HCFC2: variants seen among roughly 807,000 people sequenced by gnomAD.
The protein encoded by HCFC2 is host cell factor C2.
Under a neutral mutation model 89.2 loss-of-function variants are expected in HCFC2, and 18 were observed. That is an observed-to-expected ratio of 0.20 (90% CI 0.14 to 0.30). The LOEUF (loss-of-function observed/expected upper bound fraction) is 0.30. HCFC2 is among the 10% of genes least tolerant of loss of function. HCFC2 has a pLI of 1.00. For synonymous variants in HCFC2, 308 were observed against 335.7 expected (o/e 0.92, Z 0.90); for missense variants, 578 against 956.1 (o/e 0.60, Z 5.21).
Position 104,105,262 on chromosome 12 carries a change from T to C in HCFC2, c.*1989T>C, listed in dbSNP as rs1565818238. ...CAAGCCCAGTTATTTTAAAGATCTATTGCTTTAATAGAAAAAGTTTGGCTT... is the reference window on the plus strand; with the variant it reads ...CAAGCCCAGTTATTTTAAAGATCTACTGCTTTAATAGAAAAAGTTTGGCTT... On this transcript the variant is annotated 3_prime_UTR_variant, in exon 15 of 15. Transcript: ENST00000229330. The C allele has an allele frequency of 6.6e-6, 1 of 152,098 alleles. No individual in the cohort carries two copies. Among genetic ancestry groups the C allele is most frequent in the Non-Finnish European group, 1.5e-5 (1 of 67,928 alleles). The allele number at this position is 152,098 out of a possible 1,614,324, so 9.4% of individuals were successfully genotyped here.
At chr12:104,077,676 T>C (rs370221062) in intron 3 of HCFC2, among the ~76,000 whole-genome samples, 13 of 152,148 alleles carry the variant, frequency 8.5e-5, no homozygotes, top group African/African-American at 2.9e-4. Flanking sequence ...TCTAGTGATT[T>C]GAGAATTATA....
intron 9 of HCFC2, among the ~76,000 whole-genome samples, chr12:104,088,484 A>G (rs1445528329): frequency 3.9e-5 from 6 of 152,240 alleles, no homozygotes; most frequent in Non-Finnish European, 7.4e-5. Flanking sequence ...TTACTGAAGA[A>G]TATCAGTTAC....
At position 104,068,119 on chromosome 12, in the gene HCFC2, CT is replaced by C. The variant is rs1555284586; in HGVS notation, c.473+15del. On this transcript the variant is annotated intron_variant, in intron 3 of 14. Coordinates refer to ENST00000229330, the MANE Select transcript of HCFC2 (RefSeq NM_013320.3). This position sits in a 1 kb window ranked among gnomAD's most constrained non-coding sequence, Gnocchi z 4.1. The stretch of plus-strand genomic sequence containing the variant: ...AATAATGTTCCCAGGTATGCTGACT[CT>C]TTCAGACCAAATGCTTATTTTATGA... 3 of 1,551,992 alleles carry C rather than the reference CT, an allele frequency of 1.9e-6. No individual in the cohort carries two copies. Among genetic ancestry groups the C allele is most frequent in the Non-Finnish European group, 2.6e-6 (3 of 1,155,292 alleles).
intron 13 of HCFC2, among the ~76,000 whole-genome samples, chr12:104,100,923 T>G (rs940161421): frequency 7.2e-5 from 11 of 152,044 alleles, no homozygotes; most frequent in Admixed American, 6.5e-4. Flanking sequence ...TAAACTTAGG[T>G]TTAAATCACT....
At chr12:104,071,063 A>C (rs891643985) in intron 3 of HCFC2, among the ~76,000 whole-genome samples, 4 of 151,952 alleles carry the variant, frequency 2.6e-5, no homozygotes, top group Admixed American at 2.0e-4. Context: ...GCCTCAGCCT[A>C]CCAAAGTGCT....
At chr12:104,096,850 A>T (rs1467313213) in intron 12 of HCFC2, among the ~76,000 whole-genome samples, 1 of 152,178 alleles carries the variant, frequency 6.6e-6, no homozygotes, top group Admixed American at 6.5e-5. Context: ...ATATGTGTAA[A>T]TTACATTAAT....
At chr12:104,101,891 T>C in intron 13 of HCFC2, 77 bp from the exon 14 acceptor site, 1 of 948,846 alleles carries the variant, frequency 1.1e-6, no homozygotes, top group Non-Finnish European at 1.5e-6. Flanking sequence ...TTTTGTTTAA[T>C]AAAAATTGAA....
At chr12:104,084,231 A>G (rs867729320) in intron 7 of HCFC2, among the ~76,000 whole-genome samples, 2 of 152,360 alleles carry the variant, frequency 1.3e-5, no homozygotes, top group African/African-American at 2.4e-5. Context: ...GATAATGAGC[A>G]ATAGTGAAAC....
intron 3 of HCFC2, among the ~76,000 whole-genome samples, chr12:104,075,421 A>C (rs1173929328): frequency 6.8e-6 from 1 of 147,710 alleles, no homozygotes; most frequent in Non-Finnish European, 1.5e-5. Context: ...TTGACTCTTT[A>C]ACTCTATTCC....
intron 9 of HCFC2, among the ~76,000 whole-genome samples, chr12:104,089,317 C>G (rs1040403856): frequency 6.6e-6 from 1 of 152,074 alleles, no homozygotes; most frequent in Non-Finnish European, 1.5e-5. Flanking sequence ...TCGAGACTAT[C>G]CTGACTAACA....
At chr12:104,083,872 A>C (rs1883755146) in intron 7 of HCFC2, among the ~76,000 whole-genome samples, 1 of 152,008 alleles carries the variant, frequency 6.6e-6, no homozygotes, top group South Asian at 2.1e-4. Flanking sequence ...ACCAAACAAA[A>C]AATTAGCCAG....
chr12:104,080,130 TA>T (rs1412810705), intron 4 of HCFC2, among the ~76,000 whole-genome samples: 1 of 152,128 alleles, frequency 6.6e-6, no homozygotes, highest in Non-Finnish European at 1.5e-5. Flanking sequence ...CACCTTTGAC[TA>T]TCTTCTGTCC....
chr12:104,098,856 C>T (rs1884254163), intron 13 of HCFC2, among the ~76,000 whole-genome samples: 1 of 152,086 alleles, frequency 6.6e-6, no homozygotes, highest in African/African-American at 2.4e-5. Flanking sequence ...GAAACTTAGC[C>T]AGGCGTGGTG....
At position 104,095,367 on chromosome 12, in the gene HCFC2, C is replaced by T. The variant is rs563687797; in HGVS notation, c.1470C>T (p.His490=). Residue 490 remains histidine, a synonymous_variant, in exon 11 of 15, where the codon CAC becomes CAT. Transcript: ENST00000229330. The surrounding 1 kb of genome is among the most constrained non-coding windows in gnomAD (Gnocchi z 4.2). ...TTTTCCCTTTTATTTTAGGTCCTCA[C>T]ACTTCAGCAAATGTAGGTGTTCTAA... ...VDMLRKNEGP[H]TSANVGVLSS... 6.2e-7 allele frequency: 1 copy of T among 1,612,024 alleles called. No homozygotes were observed. The highest frequency in any genetic ancestry group is 8.5e-7 in the Non-Finnish European group (1 of 1,178,346).
intron 3 of HCFC2, among the ~76,000 whole-genome samples, chr12:104,078,401 G>A (rs1883577606): frequency 2.0e-5 from 3 of 152,124 alleles, no homozygotes; most frequent in Admixed American, 6.6e-5. Context: ...AGTTTTATAT[G>A]TCCTGAAATG....
chr12:104,089,234 C>A (rs1883954537), intron 9 of HCFC2, among the ~76,000 whole-genome samples: 2 of 152,272 alleles, frequency 1.3e-5, no homozygotes, highest in South Asian at 4.1e-4. Context: ...AATCCACGGC[C>A]AGGCGTGGTG....
intron 3 of HCFC2, among the ~76,000 whole-genome samples, chr12:104,074,320 T>C (rs1883428170): frequency 6.6e-6 from 1 of 151,994 alleles, no homozygotes; most frequent in African/African-American, 2.4e-5. Context: ...TTTTAAAACT[T>C]TTTTTTTCTT....
intron 12 of HCFC2, among the ~76,000 whole-genome samples, chr12:104,097,330 T>C (rs1229115928): frequency 6.6e-6 from 1 of 152,178 alleles, no homozygotes; most frequent in Non-Finnish European, 1.5e-5. Context: ...TTTTAGACTC[T>C]TCTTAGGGAA....
Position 104,068,205 on chromosome 12 carries a change from C to T in HCFC2, c.473+98C>T, listed in dbSNP as rs1160085299. The T allele has an allele frequency of 2.8e-6, 3 of 1,064,414 alleles. No individual in the cohort carries two copies. Among genetic ancestry groups the T allele is most frequent in the South Asian group, 3.9e-5 (2 of 51,508 alleles). The allele number at this position is 1,064,414 out of a possible 1,614,324, so 65.9% of individuals were successfully genotyped here. On this transcript the variant is annotated intron_variant, in intron 3 of 14. Coordinates refer to ENST00000229330, the MANE Select transcript of HCFC2 (RefSeq NM_013320.3). The surrounding 1 kb of genome is among the most constrained non-coding windows in gnomAD (Gnocchi z 4.1). ...AATTTTTAAAAGGGATGATGCTTAG[C>T]TTTTTGCATTTCAACCTAACAGTGG...
Sources: allele counts gnomAD v4.1 joint callset (sites outside exome capture counted in the v4.1 genomes callset), GRCh38; gene constraint gnomAD v4.1.1; non-coding constraint Gnocchi (gnomAD v3.1); transcripts MANE v1.5; gene names NCBI Gene and HGNC (gene_info 2026-07-23, HGNC 2026-07-21).